Variants in STK3 observed in about 807,000 individuals in gnomAD.
STK3 encodes serine/threonine kinase 3.
Under a neutral mutation model 58.0 loss-of-function variants are expected in STK3, and 41 were observed. That is an observed-to-expected ratio of 0.71 (90% CI 0.55 to 0.92). The LOEUF (loss-of-function observed/expected upper bound fraction) is 0.92, where lower values mean the gene tolerates loss of function less well. STK3 is among the 40% of genes least tolerant of loss of function. The probability of loss-of-function intolerance (pLI) is 0.00; values close to 1 mark genes in which losing one functional copy is unlikely to be tolerated. For missense variants in STK3, 479 were observed against 602.7 expected (o/e 0.79, Z 2.15); for synonymous variants, 170 against 191.0 (o/e 0.89, Z 0.91).
chr8:98,697,035 G>T (rs1190647308), intron 6 of STK3, among the ~76,000 whole-genome samples: 4 of 152,154 alleles, frequency 2.6e-5, no homozygotes, highest in East Asian at 3.8e-4. Flanking sequence ...CAATTTCAGA[G>T]CCTGCTATTG....
chr8:98,462,031 A>G (rs1176745396), intron 10 of STK3, among the ~76,000 whole-genome samples: 2 of 152,118 alleles, frequency 1.3e-5, no homozygotes, highest in African/African-American at 4.8e-5. Context: ...TTGTGAAATA[A>G]GCACCTCATT....
intron 4 of STK3, among the ~76,000 whole-genome samples, chr8:98,711,490 C>G (rs927451291): frequency 2.6e-5 from 4 of 152,108 alleles, no homozygotes; most frequent in Non-Finnish European, 4.4e-5. Context: ...GACAAATGCA[C>G]AAGCCTCAGT....
intron 4 of STK3, among the ~76,000 whole-genome samples, chr8:98,740,526 T>C (rs1829103254): frequency 6.6e-6 from 1 of 152,046 alleles, no homozygotes; most frequent in Admixed American, 6.6e-5. Flanking sequence ...ATAAAATACT[T>C]AACAGACAAG....
chr8:98,808,671 A>G (rs1564021781), intron 1 of STK3, among the ~76,000 whole-genome samples: 1 of 152,208 alleles, frequency 6.6e-6, no homozygotes, highest in Non-Finnish European at 1.5e-5. Context: ...TTCATCATCT[A>G]TAATATGGTG....
chr8:98,673,262 T>C (rs1475893085), intron 6 of STK3, among the ~76,000 whole-genome samples: 2 of 152,184 alleles, frequency 1.3e-5, no homozygotes, highest in African/African-American at 4.8e-5. Flanking sequence ...GACCAGGATA[T>C]AAAGTCCAGT....
At chr8:98,934,990 T>A (rs1420554908) in intron 1 of STK3, among the ~76,000 whole-genome samples, 1 of 151,044 alleles carries the variant, frequency 6.6e-6, no homozygotes, top group Non-Finnish European at 1.5e-5. Flanking sequence ...CTAGACATCC[T>A]ATGGCTAAAA....
intron 7 of STK3, among the ~76,000 whole-genome samples, chr8:98,592,266 T>C (rs1284214502): frequency 6.6e-6 from 1 of 152,226 alleles, no homozygotes; most frequent in Non-Finnish European, 1.5e-5. Context: ...CTGGTGTTTC[T>C]ATTCTGGCTA....
intron 1 of STK3, among the ~76,000 whole-genome samples, chr8:98,795,451 A>G (rs1833094665): frequency 6.6e-6 from 1 of 152,050 alleles, no homozygotes; most frequent in Non-Finnish European, 1.5e-5. Context: ...AATAAGCAAA[A>G]AATGGAAGCA....
intron 4 of STK3, among the ~76,000 whole-genome samples, chr8:98,739,330 C>G (rs1828962281): frequency 6.6e-6 from 1 of 152,164 alleles, no homozygotes; most frequent in Non-Finnish European, 1.5e-5. Context: ...AGCAGCCTAA[C>G]TGGGAGGCAC....
At chr8:98,700,092 G>A (rs753836124) in intron 6 of STK3, among the ~76,000 whole-genome samples, 2 of 152,130 alleles carry the variant, frequency 1.3e-5, no homozygotes, top group Admixed American at 6.5e-5. Context: ...CCCCAGCCTC[G>A]CTGCCGCCTT....
At chr8:98,409,059 C>T (rs1818028374) in intron 3 of STK3, among the ~76,000 whole-genome samples, 1 of 152,162 alleles carries the variant, frequency 6.6e-6, no homozygotes, top group Admixed American at 6.5e-5. Context: ...CCTCTCTCTT[C>T]TCACACAGGA....
At chr8:98,937,437 T>C (rs1352290650) in intron 1 of STK3, among the ~76,000 whole-genome samples, 3 of 152,242 alleles carry the variant, frequency 2.0e-5, no homozygotes, top group Admixed American at 2.0e-4. Flanking sequence ...TTTTCTCTCC[T>C]TGACTTATAA....
intron 1 of STK3, among the ~76,000 whole-genome samples, chr8:98,885,857 T>A (rs1837968888): frequency 6.6e-6 from 1 of 152,206 alleles, no homozygotes; most frequent in East Asian, 1.9e-4. Context: ...ACCTATATCA[T>A]GGAATACAAC....
chr8:98,849,849 C>T (rs914491831), intron 3 of STK3, among the ~76,000 whole-genome samples: 3 of 152,268 alleles, frequency 2.0e-5, no homozygotes, highest in East Asian at 1.9e-4. Context: ...GCCTGGGTTA[C>T]AGGCCCATTC....
intron 7 of STK3, among the ~76,000 whole-genome samples, chr8:98,586,844 G>T (rs1014139765): frequency 4.6e-5 from 7 of 151,842 alleles, no homozygotes; most frequent in African/African-American, 1.7e-4. Flanking sequence ...ATGTGTCGAG[G>T]AATTTATCCA....
intron 6 of STK3, among the ~76,000 whole-genome samples, chr8:98,621,079 G>A (rs1275957266): frequency 1.6e-4 from 25 of 151,952 alleles, no homozygotes; most frequent in Admixed American, 1.1e-3. Context: ...ACAGGCGCCC[G>A]CCACTACGCC....
At chr8:98,890,351 G>A (rs1415744331) in intron 1 of STK3, among the ~76,000 whole-genome samples, 2 of 152,152 alleles carry the variant, frequency 1.3e-5, no homozygotes, top group Non-Finnish European at 1.5e-5. Flanking sequence ...TCATGTCTTC[G>A]TAGCCTAAGA....
intron 1 of STK3, among the ~76,000 whole-genome samples, chr8:98,891,030 G>GACAGTTA (rs1230433117): frequency 6.6e-6 from 1 of 152,192 alleles, no homozygotes; most frequent in Non-Finnish European, 1.5e-5. Context: ...AGTTAACAGG[G>GACAGTTA]ACTGCTGAAA....
intron 1 of STK3, among the ~76,000 whole-genome samples, chr8:98,907,272 G>C (rs929970656): frequency 6.6e-6 from 1 of 152,284 alleles, no homozygotes; most frequent in South Asian, 2.1e-4. Flanking sequence ...CCAGCACTTT[G>C]GGAGGCTGAG....
Sources: allele counts gnomAD v4.1 joint callset (sites outside exome capture counted in the v4.1 genomes callset), GRCh38; gene constraint gnomAD v4.1.1; transcripts MANE v1.5; gene names NCBI Gene and HGNC (gene_info 2026-07-23, HGNC 2026-07-21).